The following SEPTIN9 variants were observed in gnomAD, a reference collection of about 807,000 sequenced individuals.
SEPTIN9 encodes the protein septin 9, also known as septin-9.
In SEPTIN9, 13 loss-of-function variants were observed where a neutral mutation model predicts 56.6. The ratio of observed to expected loss-of-function variants is 0.23; its 90% CI spans 0.15 to 0.37. The LOEUF (loss-of-function observed/expected upper bound fraction) is 0.37. Among genes scored for constraint, SEPTIN9 ranks in the 10% least tolerant of loss-of-function variants. The pLI is 1.00. For missense variants in SEPTIN9, 650 were observed against 823.1 expected (o/e 0.79, Z 2.57); for synonymous variants, 332 against 334.1 (o/e 0.99, Z 0.07).
intron 2 of SEPTIN9, among the ~76,000 whole-genome samples, chr17:77,311,220 A>ACCC (rs141106062): frequency 8.5e-6 from 1 of 117,334 alleles, no homozygotes; most frequent in Non-Finnish European, 1.9e-5. Context: ...GCAAGGAAGG[A>ACCC]CCCCCCCCCC....
In SEPTIN9 at chr17:77,433,810, C is replaced by A. The variant is rs913836574; in HGVS notation, c.721+31107C>A. Among the ~76,000 whole-genome samples, 1 of 152,182 alleles carries A rather than the reference C, an allele frequency of 6.6e-6. No individual in the cohort carries two copies. The highest frequency in any genetic ancestry group is 1.5e-5 in the Non-Finnish European group (1 of 68,036). On this transcript the variant is annotated intron_variant, in intron 3 of 11. Transcript: ENST00000427177. The surrounding 1 kb of genome is among the most constrained non-coding windows in gnomAD (Gnocchi z 6.4). Reference sequence around the variant, plus strand: ...CCTCCTGGGTATCCCCTGCGCCCCCCGCCCCAGGCACTTGATGTTGCCTGT... The same window carrying A: ...CCTCCTGGGTATCCCCTGCGCCCCCAGCCCCAGGCACTTGATGTTGCCTGT...
chr17:77,412,485 CCAG>C (rs1255755188), intron 3 of SEPTIN9, among the ~76,000 whole-genome samples: 1 of 152,038 alleles, frequency 6.6e-6, no homozygotes. Context: ...ACCTATAATC[CCAG>C]CACTTTGGGA....
Position 77,307,409 on chromosome 17 carries a change from T to TG in SEPTIN9, c.76+217dup, listed in dbSNP as rs1275234234. On this transcript the variant is annotated intron_variant, in intron 2 of 11. Transcript: ENST00000427177. ...GCTGCCCTGCTGGAGATGATCCTTG[T>TG]GGGGGCAGGGGCAGCCACCCCCAGG... Among the ~76,000 whole-genome samples, 10 of 152,296 alleles carry TG rather than the reference T, an allele frequency of 6.6e-5. No homozygotes were observed. In the East Asian group the frequency reaches 1.7e-3, roughly 26 times the overall value.
chr17:77,346,560 G>C (rs866691015), intron 2 of SEPTIN9, among the ~76,000 whole-genome samples: 1 of 152,040 alleles, frequency 6.6e-6, no homozygotes. Context: ...TATTTTGCAT[G>C]CTTTTAAAAT....
chr17:77,370,976 T>C (rs1294522106), intron 2 of SEPTIN9, among the ~76,000 whole-genome samples: 1 of 152,182 alleles, frequency 6.6e-6, no homozygotes, highest in African/African-American at 2.4e-5. Flanking sequence ...AAGGTAATTA[T>C]GACTTGAAGG....
At chr17:77,493,235 TG>T in intron 10 of SEPTIN9, 159 bp downstream of exon 10, 1 of 645,480 alleles carries the variant, frequency 1.5e-6, no homozygotes. Flanking sequence ...ATTCAACCCT[TG>T]GGAAAGTGAG....
intron 3 of SEPTIN9, among the ~76,000 whole-genome samples, chr17:77,455,244 G>GGGTC (rs1741678097): frequency 6.6e-6 from 1 of 152,134 alleles, no homozygotes; most frequent in African/African-American, 2.4e-5. Context: ...CCCCAACTCT[G>GGGTC]GGTCGGTCTC....
rs947949049 is a variant in SEPTIN9, at chr17:77,445,387, T to C, written c.722-36757T>C. The C allele has an allele frequency of 2.1e-6, 1 of 466,936 alleles. No homozygotes were observed. The highest frequency in any genetic ancestry group is 2.0e-5 in the African/African-American group (1 of 50,052). 28.9% of individuals were successfully genotyped at this position (466,936 alleles called of 1,614,324 possible). On this transcript the variant is annotated intron_variant, in intron 3 of 11. Transcript: ENST00000427177. The surrounding 1 kb of genome is among the most constrained non-coding windows in gnomAD (Gnocchi z 4.7). ...GCATCTGCTGCATCCCATTGGGGTG[T>C]TGCCCAGGATGGATTGGAAAAGAGT...
intron 3 of SEPTIN9, among the ~76,000 whole-genome samples, chr17:77,412,046 CT>C (rs1433235431): frequency 6.7e-6 from 1 of 149,594 alleles, no homozygotes; most frequent in African/African-American, 2.5e-5. Flanking sequence ...AGGAGACTTG[CT>C]TGAACCCAGC....
At chr17:77,324,984 A>G (rs1003388313) in intron 2 of SEPTIN9, among the ~76,000 whole-genome samples, 7 of 151,836 alleles carry the variant, frequency 4.6e-5, no homozygotes, top group African/African-American at 1.7e-4. Context: ...ACACCCAGCT[A>G]ATTTTTGTAT....
chr17:77,389,904 C>T lies in SEPTIN9; in HGVS notation c.77-12155C>T. ...CACATCTGAGAGTGTGCCAGAGGTG[C>T]TCCCATTCCCATAGCTGATTTAGTA... On this transcript the variant is annotated intron_variant, in intron 2 of 11. Transcript: ENST00000427177. This position sits in a 1 kb window ranked among gnomAD's most constrained non-coding sequence, Gnocchi z 4.3. Among the ~76,000 whole-genome samples the T allele has an allele frequency of 6.6e-6, 1 of 152,180 alleles. No homozygotes were observed.
At position 77,487,414 on chromosome 17, in the gene SEPTIN9, C is replaced by T. The variant is rs1359741774; in HGVS notation, c.914-10C>T. 1 of 1,594,896 alleles carries T rather than the reference C, an allele frequency of 6.3e-7. No homozygotes were observed. Among genetic ancestry groups the T allele is most frequent in the African/African-American group, 1.3e-5 (1 of 74,566 alleles). ...AGAGACCCCTGACCGGCCTCCCATC[C>T]TCTCCCCAGGGCAGAGCGGCTTGGG... On this transcript the variant is annotated splice_polypyrimidine_tract_variant and intron_variant, in intron 4 of 11. Transcript: ENST00000427177. The surrounding 1 kb of genome is among the most constrained non-coding windows in gnomAD (Gnocchi z 4.3).
intron 1 of SEPTIN9, among the ~76,000 whole-genome samples, chr17:77,282,409 C>T (rs1185674242): frequency 6.6e-6 from 1 of 152,086 alleles, no homozygotes; most frequent in African/African-American, 2.4e-5. Flanking sequence ...ATCTAGAAAC[C>T]GTTTGTTTAA....
At chr17:77,497,094 G>A (rs956757278) in intron 10 of SEPTIN9, 23 of 626,676 alleles carry the variant, frequency 3.7e-5, no homozygotes, top group Middle Eastern at 4.1e-4. Flanking sequence ...CTGTCCAGGA[G>A]CAGGAGCTGG....
chr17:77,385,978 G>A (rs779389373), intron 2 of SEPTIN9, among the ~76,000 whole-genome samples: 17 of 152,178 alleles, frequency 1.1e-4, no homozygotes, highest in Non-Finnish European at 4.4e-5. Context: ...TCCATGTCCG[G>A]GCTGGAAGGG....
Position 77,455,019 on chromosome 17 carries a change from G to A in SEPTIN9, c.722-27125G>A, listed in dbSNP as rs576853153. The stretch of plus-strand genomic sequence containing the variant: ...TGGCCCATCTGTCCTCCCCCTGGCC[G>A]GCCGGCCTAAACGCGATTGGCTCTC... On this transcript the variant is annotated intron_variant, in intron 3 of 11. Coordinates refer to ENST00000427177, the MANE Select transcript of SEPTIN9 (RefSeq NM_001113491.2). 1.4e-4 allele frequency among the ~76,000 whole-genome samples: 22 copies of A among 152,196 alleles called. 1 individual carries two copies. Among genetic ancestry groups the A allele is most frequent in the South Asian group, 6.2e-4 (3 of 4,828 alleles).
intron 2 of SEPTIN9, among the ~76,000 whole-genome samples, chr17:77,316,309 C>T (rs1215597518): frequency 1.3e-5 from 2 of 152,200 alleles, no homozygotes; most frequent in Admixed American, 6.5e-5. Flanking sequence ...GCCTCCCAGC[C>T]GGCTCATGAC....
intron 2 of SEPTIN9, among the ~76,000 whole-genome samples, chr17:77,379,561 CT>C (rs1008452042): frequency 2.0e-5 from 3 of 152,146 alleles, no homozygotes; most frequent in African/African-American, 7.2e-5. Flanking sequence ...GAACTAGGGT[CT>C]CCTCCTCCTT....
chr17:77,382,639 G>A (rs1032723391), intron 2 of SEPTIN9, among the ~76,000 whole-genome samples: 2 of 152,266 alleles, frequency 1.3e-5, no homozygotes, highest in African/African-American at 4.8e-5. Context: ...GGAGCTGCAG[G>A]TTTGTAGCAG....
Sources: allele counts gnomAD v4.1 joint callset (sites outside exome capture counted in the v4.1 genomes callset), GRCh38; gene constraint gnomAD v4.1.1; non-coding constraint Gnocchi (gnomAD v3.1); transcripts MANE v1.5; gene names NCBI Gene and HGNC (gene_info 2026-07-23, HGNC 2026-07-21).